Variants in ICA1L observed in about 807,000 individuals in gnomAD.
ICA1L encodes the protein islet cell autoantigen 1 like.
In ICA1L, 50 loss-of-function variants were observed where a neutral mutation model predicts 61.3. The observed-to-expected ratio is 0.82, with a 90% CI of 0.65 to 1.03. The LOEUF is 1.03. ICA1L is among the 50% of genes least tolerant of loss of function. ICA1L has a pLI of 0.00. For missense variants in ICA1L, 508 were observed against 556.7 expected (o/e 0.91, Z 0.88); for synonymous variants, 161 against 191.3 (o/e 0.84, Z 1.31).
intron 1 of ICA1L, among the ~76,000 whole-genome samples, chr2:202,867,855 T>C (rs1687564988): frequency 6.6e-6 from 1 of 152,232 alleles, no homozygotes; most frequent in South Asian, 2.1e-4. Flanking sequence ...TGTATTCTTA[T>C]GTATTTACCT....
chr2:202,861,401 CAAAAAAAAAAAA>C (rs61240847), intron 1 of ICA1L, among the ~76,000 whole-genome samples: 1 of 21,736 alleles, frequency 4.6e-5, no homozygotes, highest in Non-Finnish European at 6.9e-5. Context: ...GAGACTATCT[CAAAAAAAAAAAA>C]AAAAAAAAAA....
intron 1 of ICA1L, among the ~76,000 whole-genome samples, chr2:202,860,839 TTAAC>T (rs1253143321): frequency 1.3e-5 from 2 of 152,174 alleles, no homozygotes; most frequent in African/African-American, 4.8e-5. Flanking sequence ...TGCATAAACA[TTAAC>T]TATATATTAA....
chr2:202,795,244 G>A (rs939246857), intron 10 of ICA1L, among the ~76,000 whole-genome samples: 1 of 151,996 alleles, frequency 6.6e-6, no homozygotes, highest in Non-Finnish European at 1.5e-5. Context: ...GCCCACCTTG[G>A]CCTCCCAAAG....
chr2:202,791,607 G>A (rs1357335652), intron 10 of ICA1L, among the ~76,000 whole-genome samples: 2 of 152,230 alleles, frequency 1.3e-5, no homozygotes, highest in East Asian at 3.9e-4. Context: ...AACACTTTGG[G>A]AGGCTGAGGC....
chr2:202,785,902 TAAATAA>T lies in ICA1L; in HGVS notation c.1333+10_1333+15del. Reference sequence around the variant, plus strand: ...TCTTAAAGCAATGATAAAGAATATATAAATAAATAACTTACATCTTGTTAATTTCTT... The same window carrying T: ...TCTTAAAGCAATGATAAAGAATATATATAACTTACATCTTGTTAATTTCTT... On this transcript the variant is annotated intron_variant, in intron 12 of 12. Coordinates refer to ENST00000358299, the MANE Select transcript of ICA1L (RefSeq NM_001288622.3). 1 of 1,362,632 alleles carries T rather than the reference TAAATAA, an allele frequency of 7.3e-7. No individual in the cohort carries two copies. Among genetic ancestry groups the T allele is most frequent in the Non-Finnish European group, 1.0e-6 (1 of 963,910 alleles). 84.4% of individuals were successfully genotyped at this position (1,362,632 alleles called of 1,614,324 possible).
chr2:202,792,634 C>T (rs771115212), intron 10 of ICA1L, among the ~76,000 whole-genome samples: 4 of 152,054 alleles, frequency 2.6e-5, no homozygotes, highest in African/African-American at 7.2e-5. Context: ...GAAACCCCAT[C>T]TCTACTAAAA....
chr2:202,795,008 T>TAAAA (rs147407377), intron 10 of ICA1L, among the ~76,000 whole-genome samples: 3 of 138,938 alleles, frequency 2.2e-5, no homozygotes, highest in African/African-American at 5.3e-5. Context: ...AAGAAAATAA[T>TAAAA]AAAAAAAAAA....
intron 1 of ICA1L, among the ~76,000 whole-genome samples, chr2:202,856,385 AT>A (rs1238631463): frequency 6.6e-6 from 1 of 152,142 alleles, no homozygotes; most frequent in Non-Finnish European, 1.5e-5. Context: ...AAACCACATG[AT>A]TTATCTCAAT....
chr2:202,777,960 A>C lies in ICA1L; in HGVS notation c.*1573T>G, dbSNP rs1692277167. On this transcript the variant is annotated 3_prime_UTR_variant, in exon 13 of 13. Coordinates refer to ENST00000358299, the MANE Select transcript of ICA1L (RefSeq NM_001288622.3). ...CAGTGGCGCCATCTCAGCTCACTGC[A>C]AGCTCCGCCTCCCGGGTTCACGCCA... is the stretch of plus-strand genomic sequence containing the variant. 6.9e-6 allele frequency: 1 copy of C among 145,212 alleles called. No homozygotes were observed. Among genetic ancestry groups the C allele is most frequent in the Non-Finnish European group, 1.5e-5 (1 of 67,422 alleles). 9.0% of individuals were successfully genotyped at this position (145,212 alleles called of 1,614,324 possible).
intron 1 of ICA1L, among the ~76,000 whole-genome samples, chr2:202,837,282 G>GC (rs1553536841): frequency 6.7e-6 from 1 of 149,114 alleles, no homozygotes. Context: ...TTCCGTTGTT[G>GC]TTTTTTTTTG....
Position 202,814,563 on chromosome 2 carries a change from A to G in ICA1L, c.866+139T>C, listed in dbSNP as rs1426780616. ...TTATAGCAACACAAAACAGACTATGATACAAATGTTTAGTGTTGATTGGAA... is the reference window on the plus strand; with the variant it reads ...TTATAGCAACACAAAACAGACTATGGTACAAATGTTTAGTGTTGATTGGAA... On this transcript the variant is annotated intron_variant, in intron 8 of 12. Transcript: ENST00000358299. The G allele has an allele frequency of 3.4e-5, 22 of 640,150 alleles. No homozygotes were observed. In the East Asian group the frequency reaches 5.8e-4, roughly 17 times the overall value. The allele number at this position is 640,150 out of a possible 1,614,324, so 39.7% of individuals were successfully genotyped here.
Position 202,774,084 on chromosome 2 carries a change from T to G in ICA1L, c.*5449A>C. On this transcript the variant is annotated 3_prime_UTR_variant, in exon 13 of 13. Coordinates refer to ENST00000358299, the MANE Select transcript of ICA1L (RefSeq NM_001288622.3). ...TCATCCTAGCTGCCTAATATGATAA[T>G]ATTAGGAATCCCATCAATGATTGGA... is the stretch of plus-strand genomic sequence containing the variant. 1 of 1,052,674 alleles carries G rather than the reference T, an allele frequency of 9.5e-7. No homozygotes were observed. The allele number at this position is 1,052,674 out of a possible 1,614,324, so 65.2% of individuals were successfully genotyped here.
At chr2:202,827,998 G>A (rs1693895639) in intron 2 of ICA1L, among the ~76,000 whole-genome samples, 1 of 152,134 alleles carries the variant, frequency 6.6e-6, no homozygotes, top group Admixed American at 6.5e-5. Context: ...TGCTGAGTTA[G>A]TAAATCTGCA....
intron 8 of ICA1L, among the ~76,000 whole-genome samples, chr2:202,812,262 G>A (rs1019525089): frequency 6.6e-6 from 1 of 152,124 alleles, no homozygotes; most frequent in African/African-American, 2.4e-5. Context: ...GCATCTATCT[G>A]ATATAATAGA....
chr2:202,862,816 A>C (rs974867109), intron 1 of ICA1L, among the ~76,000 whole-genome samples: 3 of 151,940 alleles, frequency 2.0e-5, no homozygotes, highest in African/African-American at 7.2e-5. Flanking sequence ...CAGCGTAGGC[A>C]ACAAGAGTGA....
chr2:202,798,680 A>G (rs888242652), intron 9 of ICA1L, among the ~76,000 whole-genome samples: 2 of 139,962 alleles, frequency 1.4e-5, no homozygotes, highest in African/African-American at 5.3e-5. Context: ...TTTGTTAAGT[A>G]TAATAACCGT....
At chr2:202,779,718 G>A in intron 12 of ICA1L, 70 bp from the exon 13 acceptor site, 1 of 863,564 alleles carries the variant, frequency 1.2e-6, no homozygotes, top group African/African-American at 1.7e-5. Context: ...CCATATTTAT[G>A]ATTTTGAAGT....
At chr2:202,809,820 A>G (rs1693324112) in intron 9 of ICA1L, among the ~76,000 whole-genome samples, 1 of 152,162 alleles carries the variant, frequency 6.6e-6, no homozygotes, top group African/African-American at 2.4e-5. Flanking sequence ...AATAAAAAAC[A>G]ATGAAGCATG....
intron 1 of ICA1L, among the ~76,000 whole-genome samples, chr2:202,847,572 T>C (rs2105877566): frequency 6.6e-6 from 1 of 152,114 alleles, no homozygotes; most frequent in South Asian, 2.1e-4. Context: ...TGGATTGTTA[T>C]AAGAATTAAA....
Sources: allele counts gnomAD v4.1 joint callset (sites outside exome capture counted in the v4.1 genomes callset), GRCh38; gene constraint gnomAD v4.1.1; transcripts MANE v1.5; gene names NCBI Gene and HGNC (gene_info 2026-07-23, HGNC 2026-07-21).